ALDH9A1: variants seen among roughly 807,000 people sequenced by gnomAD.
ALDH9A1 encodes the protein 4-trimethylaminobutyraldehyde dehydrogenase.
A neutral mutation model predicts 56.6 loss-of-function variants in ALDH9A1; 42 were observed. That is an observed-to-expected ratio of 0.74 (90% CI 0.58 to 0.96). The LOEUF (loss-of-function observed/expected upper bound fraction) is 0.96. Among genes scored for constraint, ALDH9A1 ranks in the 40% least tolerant of loss-of-function variants. ALDH9A1 has a pLI of 0.00. For missense variants in ALDH9A1, 661 were observed against 651.5 expected (o/e 1.01, Z -0.16); for synonymous variants, 242 against 236.0 (o/e 1.03, Z -0.23).
chr1:165,686,507 G>GT lies in ALDH9A1; in HGVS notation c.328-3398dup, dbSNP rs748997343. 1.6e-3 allele frequency among the ~76,000 whole-genome samples: 221 copies of GT among 136,246 alleles called. 2 individuals carry two copies. Among genetic ancestry groups the GT allele is most frequent in the African/African-American group, 5.1e-3 (184 of 36,392 alleles). The allele number at this position is 136,246 out of a possible 152,430, so 89.4% of individuals were successfully genotyped here. A position where few individuals can be genotyped will look rare whatever the true frequency, so the allele number is the denominator to read the frequency against. On this transcript the variant is annotated intron_variant, in intron 2 of 10. Transcript: ENST00000354775. ...GAAAAGGACTACCCAAGAAGAAAAT[G>GT]TTTTTTTTTTTAAAAAAAAAAGCCC...
Position 165,669,414 on chromosome 1 carries a change from C to A in ALDH9A1, c.967G>T (p.Glu323Ter), listed in dbSNP as rs755173841. 6 of 1,613,686 alleles carry A rather than the reference C, an allele frequency of 3.7e-6. No individual in the cohort carries two copies. Among genetic ancestry groups the A allele is most frequent in the Non-Finnish European group, 5.1e-6 (6 of 1,179,838 alleles). The change falls in exon 7 of 11, where the codon GAA (glutamate) becomes TAA (stop). Residue 323 changes from glutamate to a stop codon, truncating the protein, a stop_gained. Transcript: ENST00000354775. LOFTEE classifies it high-confidence loss of function. Reference sequence around the variant, plus strand: ...TCCTCTGTAAATTTATCAAGAATTTCTTTCTGCACAAATACTCTTGTGCCA... The same window carrying A: ...TCCTCTGTAAATTTATCAAGAATTTATTTCTGCACAAATACTCTTGTGCCA... ...CNGTRVFVQKEILDKFTEEVV... is the reference protein window; with the variant it reads ...CNGTRVFVQK
intron 6 of ALDH9A1, chr1:165,671,654 C>T (rs545285226): frequency 1.4e-5 from 7 of 487,064 alleles, no homozygotes; most frequent in Middle Eastern, 1.5e-3. Context: ...CTGTTTGGCT[C>T]GATATTATAA....
chr1:165,669,238 A>C, intron 7 of ALDH9A1, 24 bp downstream of exon 7: 1 of 1,578,480 alleles, frequency 6.3e-7, no homozygotes, highest in Non-Finnish European at 8.6e-7. Context: ...CCCCAACCCC[A>C]CCCTACTGCC....
Position 165,682,208 on chromosome 1 carries a change from C to A in ALDH9A1, c.491G>T (p.Gly164Val). Residue 164 changes from glycine to valine, a missense_variant, in exon 4 of 11, where the codon GGT becomes GTT. Transcript: ENST00000354775. ...CCCAAGTGGTTCTCTTCTGGTATAA[C>A]CAAACGATCCACCTGGGAGCTGGAT... ...EHIQLPGGSF[G>V]YTRREPLGVC... The A allele has an allele frequency of 6.2e-7, 1 of 1,613,808 alleles. No homozygotes were observed. The highest frequency in any genetic ancestry group is 8.5e-7 in the Non-Finnish European group (1 of 1,179,842).
In ALDH9A1 at chr1:165,663,083, A is replaced by G. The variant is rs768145947; in HGVS notation, c.1524T>C (p.Cys508=). The G allele has an allele frequency of 1.2e-6, 2 of 1,614,022 alleles. No individual in the cohort carries two copies. Among genetic ancestry groups the G allele is most frequent in the East Asian group, 4.5e-5 (2 of 44,878 alleles). Residue 508 remains cysteine (C), a synonymous_variant, in exon 11 of 11, where the codon TGT becomes TGC. Transcript: ENST00000354775. Reference sequence around the variant, plus strand: ...CAGATTCCACATCACCCATCTCCACACACACAGTCTTCAGCTGTGAATAAT... The same window carrying G: ...CAGATTCCACATCACCCATCTCCACGCACACAGTCTTCAGCTGTGAATAAT... ...IEYYSQLKTV[C]VEMGDVESAF
At position 165,667,436 on chromosome 1, in the gene ALDH9A1, C is replaced by T. The variant is rs775405930; in HGVS notation, c.1222G>A (p.Asp408Asn). 5.6e-6 allele frequency: 9 copies of T among 1,613,820 alleles called. No homozygotes were observed. The highest frequency in any genetic ancestry group is 6.8e-6 in the Non-Finnish European group (8 of 1,179,930). Residue 408 changes from aspartate (D) to asparagine (N), a missense_variant, in exon 9 of 11, where the codon GAC (aspartate) becomes AAC (asparagine). Coordinates refer to ENST00000354775, the MANE Select transcript of ALDH9A1 (RefSeq NM_000696.4). ...RPCVLTNCRD[D>N]MTCVKEEIFG... ...ATCTCTTCCTTCACACAGGTCATGTCGTCTCTGCAATTAGCTGCAAACATT... is the reference window on the plus strand; with the variant it reads ...ATCTCTTCCTTCACACAGGTCATGTTGTCTCTGCAATTAGCTGCAAACATT...
At chr1:165,671,112 A>T (rs1649165824) in intron 6 of ALDH9A1, 1 of 154,196 alleles carries the variant, frequency 6.5e-6, no homozygotes, top group African/African-American at 2.4e-5. Context: ...ACTGAAATTA[A>T]AACTATACTG....
intron 3 of ALDH9A1, 115 bp from the exon 4 acceptor site, chr1:165,682,356 A>G: frequency 8.8e-7 from 1 of 1,138,052 alleles, no homozygotes. Context: ...ACTTCTCCCA[A>G]TACACCAGGC....
chr1:165,668,916 G>A lies in ALDH9A1; in HGVS notation c.1207+10C>T. 2 of 1,549,622 alleles carry A rather than the reference G, an allele frequency of 1.3e-6. No homozygotes were observed. The highest frequency in any genetic ancestry group is 2.3e-5 in the South Asian group (2 of 88,382). ...CAAATCATCTAAAAGCAAACAAAAAGAGGACATACTTAATACACAAGGTCT... is the reference window on the plus strand; with the variant it reads ...CAAATCATCTAAAAGCAAACAAAAAAAGGACATACTTAATACACAAGGTCT... On this transcript the variant is annotated intron_variant, in intron 8 of 10. Coordinates refer to ENST00000354775, the MANE Select transcript of ALDH9A1 (RefSeq NM_000696.4).
In ALDH9A1 at chr1:165,682,152, G is replaced by C. The variant is rs549670585; in HGVS notation, c.547C>G (p.Pro183Ala). Reference sequence around the variant, plus strand: ...GACTTCCAAGAGGCAATCTGAAAGGGGTAGTTCCATGCTCCTATTCCCACA... The same window carrying C: ...GACTTCCAAGAGGCAATCTGAAAGGCGTAGTTCCATGCTCCTATTCCCACA... ...VCVGIGAWNYPFQIASWKSAP... is the reference protein window; with the variant it reads ...VCVGIGAWNYAFQIASWKSAP... The change falls in exon 4 of 11, where the codon CCC becomes GCC. Residue 183 changes from proline (P) to alanine (A), a missense_variant. By Grantham distance (27) the Pro-to-Ala change is conservative. Coordinates refer to ENST00000354775, the MANE Select transcript of ALDH9A1 (RefSeq NM_000696.4). 2.5e-6 allele frequency: 4 copies of C among 1,614,100 alleles called. No homozygotes were observed. Among genetic ancestry groups the C allele is most frequent in the Non-Finnish European group, 3.4e-6 (4 of 1,179,974 alleles).
chr1:165,692,982 T>C (rs1649943550), intron 2 of ALDH9A1, among the ~76,000 whole-genome samples: 1 of 151,950 alleles, frequency 6.6e-6, no homozygotes, highest in African/African-American at 2.4e-5. Context: ...CCCTATTTAA[T>C]AAATGGTGCT....
intron 2 of ALDH9A1, among the ~76,000 whole-genome samples, chr1:165,692,889 G>A (rs1392807590): frequency 1.3e-5 from 2 of 151,864 alleles, no homozygotes; most frequent in East Asian, 1.9e-4. Flanking sequence ...GGAACAGAAC[G>A]GAGCCCTCAG....
chr1:165,697,526 CT>C lies in ALDH9A1; in HGVS notation c.181+851del, dbSNP rs1348763205. Among the ~76,000 whole-genome samples, 3 of 152,020 alleles carry C rather than the reference CT, an allele frequency of 2.0e-5. No individual in the cohort carries two copies. The East Asian group carries it at 5.8e-4, about 29-fold the overall frequency. ...TACTGAATAAAGGTGGGGTTTTTTC[CT>C]TTCCCAATTCTGATTAATGTGCAGA... is the stretch of plus-strand genomic sequence containing the variant. On this transcript the variant is annotated intron_variant, in intron 1 of 10. Coordinates refer to ENST00000354775, the MANE Select transcript of ALDH9A1 (RefSeq NM_000696.4).
chr1:165,683,979 C>T (rs1280378844), intron 2 of ALDH9A1, among the ~76,000 whole-genome samples: 1 of 152,078 alleles, frequency 6.6e-6, no homozygotes, highest in Non-Finnish European at 1.5e-5. Flanking sequence ...AAGCAACTGA[C>T]AAGAAGGAAC....
chr1:165,675,086 T>C (rs1364379545), intron 6 of ALDH9A1, among the ~76,000 whole-genome samples: 1 of 152,242 alleles, frequency 6.6e-6, no homozygotes, highest in Non-Finnish European at 1.5e-5. Flanking sequence ...TCCCAGCTAC[T>C]TGGGAGGGTG....
intron 6 of ALDH9A1, among the ~76,000 whole-genome samples, chr1:165,677,342 G>A (rs1328775640): frequency 6.6e-6 from 1 of 152,184 alleles, no homozygotes; most frequent in Non-Finnish European, 1.5e-5. Flanking sequence ...CTGGGCAACA[G>A]AGCAGGACCC....
chr1:165,687,086 G>A (rs1191850037), intron 2 of ALDH9A1, among the ~76,000 whole-genome samples: 4 of 151,980 alleles, frequency 2.6e-5, no homozygotes, highest in South Asian at 2.1e-4. Flanking sequence ...ATAGAAGACC[G>A]ATGAACTTGA....
intron 2 of ALDH9A1, among the ~76,000 whole-genome samples, chr1:165,693,068 G>A (rs1396623407): frequency 6.6e-6 from 1 of 151,944 alleles, no homozygotes; most frequent in Non-Finnish European, 1.5e-5. Flanking sequence ...ATTAATTCAA[G>A]ATGGATTAAA....
rs558074867 is a variant in ALDH9A1 at position 165,675,387 on chromosome 1, AAAGC to A, written c.930+4051_930+4054del. Among the ~76,000 whole-genome samples, 36 of 152,142 alleles carry A rather than the reference AAAGC, an allele frequency of 2.4e-4. 1 individual carries two copies. Among genetic ancestry groups the A allele is most frequent in the African/African-American group, 8.2e-4 (34 of 41,514 alleles). On this transcript the variant is annotated intron_variant, in intron 6 of 10. Coordinates refer to ENST00000354775, the MANE Select transcript of ALDH9A1 (RefSeq NM_000696.4). ...TCATCCACACACACACATAGCAAAG[AAAGC>A]AAAGTACAAAAGAGTACCTCTAATG...
Sources: allele counts gnomAD v4.1 joint callset (sites outside exome capture counted in the v4.1 genomes callset), GRCh38; gene constraint gnomAD v4.1.1; transcripts MANE v1.5; gene names NCBI Gene and HGNC (gene_info 2026-07-23, HGNC 2026-07-21).